LFNG: variants seen among roughly 807,000 people sequenced by gnomAD.
LFNG encodes the protein beta-1,3-N-acetylglucosaminyltransferase lunatic fringe.
In LFNG, 15 loss-of-function variants were observed where a neutral mutation model predicts 32.7. The observed-to-expected ratio is 0.46, with a 90% CI of 0.31 to 0.71. The LOEUF is 0.71. Among genes scored for constraint, LFNG ranks in the 30% least tolerant of loss-of-function variants. The pLI is 0.06. For synonymous variants in LFNG, 274 were observed against 246.8 expected, an observed-to-expected ratio of 1.11 and a Z score of -1.03; for missense variants, 520 against 545.7, an observed-to-expected ratio of 0.95 and a Z score of 0.47.
chr7:2,528,386 T>C lies in LFNG; in HGVS notation c.*1174T>C. ...TCAGGGAATTGAAGTGTTGTTGCTA[T>C]GGTGACGTCCTTTTGCTGTGAATAA... On this transcript the variant is annotated 3_prime_UTR_variant, in exon 8 of 8. Coordinates refer to ENST00000222725, the MANE Select transcript of LFNG (RefSeq NM_001040167.2). The C allele has an allele frequency of 1.0e-6, 1 of 986,786 alleles. No homozygotes were observed. The highest frequency in any genetic ancestry group is 1.2e-6 in the Non-Finnish European group (1 of 830,366). 61.1% of individuals were successfully genotyped at this position (986,786 alleles called of 1,614,324 possible). A position where few individuals can be genotyped will look rare whatever the true frequency, so the allele number is the denominator to read the frequency against.
chr7:2,527,110 C>T lies in LFNG; in HGVS notation c.1074-36C>T. The T allele has an allele frequency of 5.0e-6, 8 of 1,596,638 alleles. No individual in the cohort carries two copies. The highest frequency in any genetic ancestry group is 6.0e-6 in the Non-Finnish European group (7 of 1,166,158). On this transcript the variant is annotated intron_variant, in intron 7 of 7. Coordinates refer to ENST00000222725, the MANE Select transcript of LFNG (RefSeq NM_001040167.2). The surrounding 1 kb of genome is among the most constrained non-coding windows in gnomAD (Gnocchi z 4.4). ...AAATGGGAGCTCAGCACCTGCCTGC[C>T]ACCCACGCAGACCAGCCCCTGCTCT...
intron 5 of LFNG, 144 bp downstream of exon 5, chr7:2,525,914 C>CT: frequency 1.2e-6 from 1 of 808,776 alleles, no homozygotes; most frequent in African/African-American, 1.7e-5. Flanking sequence ...CCACTTCCCT[C>CT]TGGGTTTCAG....
intron 2 of LFNG, 133 bp downstream of exon 2, chr7:2,524,876 G>C (rs1779906630): frequency 2.4e-6 from 2 of 840,830 alleles, no homozygotes; most frequent in Admixed American, 4.4e-5. Context: ...TACTCATGGG[G>C]TTTGCTCCAT....
upstream of LFNG, among the ~76,000 whole-genome samples, chr7:2,512,999 G>C (rs960184997): frequency 2.0e-5 from 3 of 152,096 alleles, no homozygotes; most frequent in African/African-American, 7.2e-5. Flanking sequence ...CAAGCCCCAG[G>C]GCAAATGTCA....
rs1474189547 is a variant in LFNG, at chr7:2,528,106, T to C, written c.*894T>C. ...TGGGGGAGGGTCTTATTTTATCTTA[T>C]CTTTTCTGTGGATCAGAAAAAACAG... On this transcript the variant is annotated 3_prime_UTR_variant, in exon 8 of 8. Coordinates refer to ENST00000222725, the MANE Select transcript of LFNG (RefSeq NM_001040167.2). The C allele has an allele frequency of 1.0e-6, 1 of 985,534 alleles. No homozygotes were observed. Among genetic ancestry groups the C allele is most frequent in the Non-Finnish European group, 1.2e-6 (1 of 829,840 alleles). 61.0% of individuals were successfully genotyped at this position (985,534 alleles called of 1,614,324 possible).
chr7:2,524,137 C>T (rs1779871320), intron 1 of LFNG, among the ~76,000 whole-genome samples: 1 of 152,220 alleles, frequency 6.6e-6, no homozygotes, highest in African/African-American at 2.4e-5. Flanking sequence ...GGTGATTCAT[C>T]CTCCCTCCAG....
At chr7:2,529,033 C>T, downstream of LFNG, 1 of 432,314 alleles carries the variant, frequency 2.3e-6, no homozygotes. The surrounding 1 kb of genome is among the most constrained non-coding windows in gnomAD (Gnocchi z 4.2). Context: ...GCCCCAGGCC[C>T]CGACCCCGCT....
At chr7:2,516,401 G>A (rs1779629079), upstream of LFNG, among the ~76,000 whole-genome samples, 1 of 152,248 alleles carries the variant, frequency 6.6e-6, no homozygotes, top group South Asian at 2.1e-4. Context: ...AACAGCCCGG[G>A]GGAGGGAAGG....
upstream of LFNG, among the ~76,000 whole-genome samples, chr7:2,519,511 G>C (rs1779715394): frequency 2.0e-5 from 3 of 151,772 alleles, no homozygotes; most frequent in South Asian, 6.2e-4. Context: ...CACCGGCGCG[G>C]GCCGGGCCCG....
chr7:2,528,656 C>T (rs908114699), downstream of LFNG, among the ~76,000 whole-genome samples: 1 of 152,154 alleles, frequency 6.6e-6, no homozygotes, highest in Non-Finnish European at 1.5e-5. Flanking sequence ...GTCGCTGGAG[C>T]GTGAGCCCTG....
rs1258169734 is a variant in LFNG, at chr7:2,520,546, C to T, written c.432+253C>T. 2.0e-5 allele frequency among the ~76,000 whole-genome samples: 3 copies of T among 152,256 alleles called. No individual in the cohort carries two copies. The highest frequency in any genetic ancestry group is 7.2e-5 in the African/African-American group (3 of 41,472). ...AGTCCTGGATGGCTGCAGGACCCTA[C>T]ACCAGTCTCCAGTGCTTGGGGTTGG... On this transcript the variant is annotated intron_variant, in intron 1 of 7. Coordinates refer to ENST00000222725, the MANE Select transcript of LFNG (RefSeq NM_001040167.2). The surrounding 1 kb of genome is among the most constrained non-coding windows in gnomAD (Gnocchi z 5.0).
intron 2 of LFNG, 24 bp from the exon 3 acceptor site, chr7:2,525,195 T>A (rs1230700982): frequency 6.2e-7 from 1 of 1,606,786 alleles, no homozygotes; most frequent in African/African-American, 1.3e-5. Flanking sequence ...TCAGACCTAC[T>A]CACAGCCGCT....
At chr7:2,516,772 A>G (rs989514356), upstream of LFNG, among the ~76,000 whole-genome samples, 1 of 152,216 alleles carries the variant, frequency 6.6e-6, no homozygotes, top group Admixed American at 6.5e-5. Context: ...GGGTCCAAGA[A>G]GCCCATGAAG....
At chr7:2,523,294 T>G (rs1194962401) in intron 1 of LFNG, among the ~76,000 whole-genome samples, 1 of 152,168 alleles carries the variant, frequency 6.6e-6, no homozygotes, top group Non-Finnish European at 1.5e-5. Flanking sequence ...CTATGGGTGC[T>G]GCAGGAGGGG....
upstream of LFNG, chr7:2,518,652 G>A (rs1168564983): frequency 6.3e-7 from 1 of 1,598,544 alleles, no homozygotes; most frequent in Non-Finnish European, 8.5e-7. Context: ...CATCTCAGGC[G>A]TGAACATAAC....
chr7:2,521,002 A>T (rs941276290), intron 1 of LFNG, among the ~76,000 whole-genome samples: 1 of 151,890 alleles, frequency 6.6e-6, no homozygotes, highest in African/African-American at 2.4e-5. Flanking sequence ...CTGGGGCGGG[A>T]TGGGGACAGT....
rs758946205 is a variant in LFNG at position 2,520,167 on chromosome 7, C to T, written c.306C>T (p.His102=). 6.6e-7 allele frequency: 1 copy of T among 1,524,042 alleles called. No homozygotes were observed. The highest frequency in any genetic ancestry group is 2.0e-5 in the Admixed American group (1 of 49,436). 94.4% of individuals were successfully genotyped at this position (1,524,042 alleles called of 1,614,324 possible). A position where few individuals can be genotyped will look rare whatever the true frequency, so the allele number is the denominator to read the frequency against. ...PGAAPRPADG[H]PRPLAEPLAP... ...CTGCCCCCCGCCCCGCCGACGGCCACCCGCGCCCCCTGGCCGAGCCGCTCG... is the reference window on the plus strand; with the variant it reads ...CTGCCCCCCGCCCCGCCGACGGCCATCCGCGCCCCCTGGCCGAGCCGCTCG... Residue 102 remains histidine, a synonymous_variant, in exon 1 of 8, where the codon CAC becomes CAT. Coordinates refer to ENST00000222725, the MANE Select transcript of LFNG (RefSeq NM_001040167.2). This position sits in a 1 kb window ranked among gnomAD's most constrained non-coding sequence, Gnocchi z 5.0.
rs573462131 is a variant in LFNG at position 2,527,366 on chromosome 7, C to T, written c.*154C>T. On this transcript the variant is annotated 3_prime_UTR_variant, in exon 8 of 8. Transcript: ENST00000222725. The surrounding 1 kb of genome is among the most constrained non-coding windows in gnomAD (Gnocchi z 4.4). ...TGTGTGTGTGTGTACTGCATGCCCACCCGGGTAGCAGGCTGCTGGGCAGTT... is the reference window on the plus strand; with the variant it reads ...TGTGTGTGTGTGTACTGCATGCCCATCCGGGTAGCAGGCTGCTGGGCAGTT... 134 of 1,508,358 alleles carry T rather than the reference C, an allele frequency of 8.9e-5. No individual in the cohort carries two copies. The South Asian group carries it at 1.5e-3, about 17-fold the overall frequency. 93.4% of individuals were successfully genotyped at this position (1,508,358 alleles called of 1,614,324 possible).
At position 2,520,181 on chromosome 7, in the gene LFNG, C is replaced by G; in HGVS notation, c.320C>G (p.Ala107Gly). Residue 107 changes from alanine (A) to glycine (G), a missense_variant, in exon 1 of 8, where the codon GCC becomes GGC. Physicochemically the swap from Ala to Gly is moderately conservative, Grantham distance 60 (BLOSUM62 0). Coordinates refer to ENST00000222725, the MANE Select transcript of LFNG (RefSeq NM_001040167.2). The surrounding 1 kb of genome is among the most constrained non-coding windows in gnomAD (Gnocchi z 5.0). ...GCCGACGGCCACCCGCGCCCCCTGG[C>G]CGAGCCGCTCGCGCCCCGAGACGTC... The part of the protein sequence containing the change: ...RPADGHPRPL[A>G]EPLAPRDVFI... 6.4e-7 allele frequency: 1 copy of G among 1,568,620 alleles called. No homozygotes were observed.
Sources: allele counts gnomAD v4.1 joint callset (sites outside exome capture counted in the v4.1 genomes callset), GRCh38; gene constraint gnomAD v4.1.1; non-coding constraint Gnocchi (gnomAD v3.1); transcripts MANE v1.5; gene names NCBI Gene and HGNC (gene_info 2026-07-23, HGNC 2026-07-21).